The following SCGB1D4 variants were observed in gnomAD, a reference collection of about 807,000 sequenced individuals.
SCGB1D4 encodes the protein secretoglobin family 1D member 4.
Under a neutral mutation model 8.1 loss-of-function variants are expected in SCGB1D4, and 6 were observed. That is an observed-to-expected ratio of 0.74 (90% CI 0.40 to 1.45). The LOEUF is 1.45. Among genes scored for constraint, SCGB1D4 ranks in the 40% most tolerant of loss-of-function variants. The pLI is 0.02. For missense variants in SCGB1D4, 93 were observed against 95.0 expected (o/e 0.98, Z 0.09); for synonymous variants, 34 against 38.1 (o/e 0.89, Z 0.39).
rs1291844733 is a variant in SCGB1D4 at position 62,297,471 on chromosome 11, C to T, written c.242+1G>A. ...CTCTGCATAAAGGAGAAAGAAATTA[C>T]CAGGACTTTTTCAATGAGAGTCGTT... On this transcript the variant is annotated splice_donor_variant, in intron 2 of 2. Transcript: ENST00000358585. LOFTEE classifies it high-confidence loss of function. 5.0e-6 allele frequency: 8 copies of T among 1,608,950 alleles called. No homozygotes were observed. Among genetic ancestry groups the T allele is most frequent in the South Asian group, 1.1e-5 (1 of 90,562 alleles).
At chr11:62,298,002 G>C in intron 1 of SCGB1D4, among the ~76,000 whole-genome samples, 1 of 146,420 alleles carries the variant, frequency 6.8e-6, no homozygotes, top group South Asian at 2.2e-4. Context: ...CTGCCACCAT[G>C]CCCGCTTTTG....
At chr11:62,298,040 GTGTGTGTTT>G (rs1162299544) in intron 1 of SCGB1D4, among the ~76,000 whole-genome samples, 24 of 142,648 alleles carry the variant, frequency 1.7e-4, no homozygotes, top group East Asian at 6.3e-4. Context: ...GTGTGTGTGT[GTGTGTGTTT>G]TGTTTTGTTT....
chr11:62,298,119 C>A (rs1235333217), intron 1 of SCGB1D4, among the ~76,000 whole-genome samples: 2 of 148,702 alleles, frequency 1.3e-5, no homozygotes, highest in East Asian at 4.0e-4. Flanking sequence ...AACTCCTGAG[C>A]TCAAGTGATC....
At chr11:62,298,756 C>CAA (rs5792251) in intron 1 of SCGB1D4, among the ~76,000 whole-genome samples, 200 bp downstream of exon 1, 2 of 102,302 alleles carry the variant, frequency 2.0e-5, no homozygotes, top group African/African-American at 7.1e-5. Context: ...CAAAACTTCT[C>CAA]AAAAAAAAAA....
rs774160393 is a variant in SCGB1D4 at position 62,296,366 on chromosome 11, A to G, written c.*44T>C. 1.3e-6 allele frequency: 2 copies of G among 1,589,710 alleles called. No individual in the cohort carries two copies. The highest frequency in any genetic ancestry group is 1.7e-6 in the Non-Finnish European group (2 of 1,158,138). On this transcript the variant is annotated 3_prime_UTR_variant, in exon 3 of 3. Transcript: ENST00000358585. ...CAGGGTGTCGTTGAAAGACTTTGGA[A>G]ACCAGGTTGAGCATTTTTACATGTC...
At chr11:62,297,684 T>C (rs904677646) in intron 1 of SCGB1D4, 26 bp from the exon 2 acceptor site, 1 of 1,602,794 alleles carries the variant, frequency 6.2e-7, no homozygotes, top group Non-Finnish European at 8.5e-7. Flanking sequence ...AAAAATATTG[T>C]TGATGTTAGG....
In SCGB1D4 at chr11:62,297,683, G is replaced by A. The variant is rs1221374619; in HGVS notation, c.56-25C>T. The A allele has an allele frequency of 1.9e-6, 3 of 1,601,982 alleles. No individual in the cohort carries two copies. In the Admixed American group the frequency reaches 5.1e-5, roughly 27 times the overall value. ...GCTGCAGCACAAAAATAAAAATATT[G>A]TTGATGTTAGGAAAGTCGATTTTTC... is the stretch of plus-strand genomic sequence containing the variant. On this transcript the variant is annotated intron_variant, in intron 1 of 2. Coordinates refer to ENST00000358585, the MANE Select transcript of SCGB1D4 (RefSeq NM_206998.2).
chr11:62,297,579 T>C lies in SCGB1D4; in HGVS notation c.135A>G (p.Gln45=). ...LFLSDAAVNL[Q]VAKLNPPPEA... is the part of the protein sequence containing the mutation. ...CTGGAGGTGGATTAAGTTTGGCAACTTGGAGGTTTACCGCAGCGTCACTTA... is the reference window on the plus strand; with the variant it reads ...CTGGAGGTGGATTAAGTTTGGCAACCTGGAGGTTTACCGCAGCGTCACTTA... Residue 45 remains glutamine (Q), a synonymous_variant, in exon 2 of 3, where the codon CAA becomes CAG. Transcript: ENST00000358585. The C allele has an allele frequency of 6.2e-7, 1 of 1,613,634 alleles. No homozygotes were observed. The highest frequency in any genetic ancestry group is 1.7e-4 in the Middle Eastern group (1 of 6,054).
Position 62,296,434 on chromosome 11 carries a change from A to C in SCGB1D4, c.243-15T>G, listed in dbSNP as rs377103843. The C allele has an allele frequency of 8.0e-5, 128 of 1,596,974 alleles. No homozygotes were observed. In the African/African-American group the frequency reaches 1.6e-3, roughly 20 times the overall value. The stretch of plus-strand genomic sequence containing the variant: ...ACTATTTCCACCTGAAATCAAAAAA[A>C]AGAAAGAAAGAAAGAAAGGTGAGGT... On this transcript the variant is annotated splice_polypyrimidine_tract_variant and intron_variant, in intron 2 of 2. Coordinates refer to ENST00000358585, the MANE Select transcript of SCGB1D4 (RefSeq NM_206998.2).
rs1565139730 is a variant in SCGB1D4 at position 62,298,041 on chromosome 11, TG to T, written c.56-384del. On this transcript the variant is annotated intron_variant, in intron 1 of 2. Transcript: ENST00000358585. The stretch of plus-strand genomic sequence containing the variant: ...GTGTGTGTGTGTGTGTGTGTGTGTG[TG>T]TGTGTTTTGTTTTGTTTTTTTTTTT... Among the ~76,000 whole-genome samples the T allele has an allele frequency of 1.4e-4, 20 of 143,086 alleles. 1 individual carries two copies. The highest frequency in any genetic ancestry group is 4.7e-4 in the African/African-American group (17 of 36,412). The allele number at this position is 143,086 out of a possible 152,430, so 93.9% of individuals were successfully genotyped here.
Position 62,297,609 on chromosome 11 carries a change from TAAG to T in SCGB1D4, c.102_104del (p.Phe34del), listed in dbSNP as rs1159398844. 6.2e-7 allele frequency: 1 copy of T among 1,614,024 alleles called. No homozygotes were observed. Among genetic ancestry groups the T allele is most frequent in the Non-Finnish European group, 8.5e-7 (1 of 1,180,004 alleles). On this transcript the variant is annotated inframe_deletion, in exon 2 of 3. Coordinates refer to ENST00000358585, the MANE Select transcript of SCGB1D4 (RefSeq NM_206998.2). ...GGTTTACCGCAGCGTCACTTAAGAA[TAAG>T]AAGACTGTGATCTCAGAAGCAACAG... is the stretch of plus-strand genomic sequence containing the variant.
chr11:62,298,756 CAA>C (rs5792251), intron 1 of SCGB1D4, among the ~76,000 whole-genome samples, 198 bp downstream of exon 1: 26,682 of 102,200 alleles, frequency 0.26, 2,685 homozygotes, highest in East Asian at 0.42. Context: ...CAAAACTTCT[CAA>C]AAAAAAAAAA....
At chr11:62,297,177 C>G (rs1945447100) in intron 2 of SCGB1D4, among the ~76,000 whole-genome samples, 1 of 152,148 alleles carries the variant, frequency 6.6e-6, no homozygotes, top group Admixed American at 6.5e-5. Flanking sequence ...TGTGGGAGGC[C>G]CAGCTCTAGG....
At chr11:62,296,453 G>A (rs778446804) in intron 2 of SCGB1D4, 34 bp from the exon 3 acceptor site, 1 of 1,601,176 alleles carries the variant, frequency 6.2e-7, no homozygotes, top group Non-Finnish European at 8.5e-7. Context: ...AGAAAGAAAG[G>A]TGAGGTCAGT....
rs201618810 is a variant in SCGB1D4, at chr11:62,298,955, C to G, written c.55+1G>C. 1 of 1,613,890 alleles carries G rather than the reference C, an allele frequency of 6.2e-7. No homozygotes were observed. The highest frequency in any genetic ancestry group is 2.2e-5 in the East Asian group (1 of 44,882). On this transcript the variant is annotated splice_donor_variant, in intron 1 of 2. Transcript: ENST00000358585. LOFTEE classifies it high-confidence loss of function. ...GCTGGACTCATGACTGATGTACTCA[C>G]CCTGGTAGCAGCAAAGGGCCAGCGA...
intron 1 of SCGB1D4, among the ~76,000 whole-genome samples, chr11:62,298,061 T>G (rs913289568): frequency 2.0e-5 from 3 of 149,190 alleles, no homozygotes; most frequent in African/African-American, 2.5e-5. Flanking sequence ...GTTTTGTTTT[T>G]TTTTTTTGTA....
intron 2 of SCGB1D4, among the ~76,000 whole-genome samples, chr11:62,297,039 G>A (rs2134520810): frequency 6.6e-6 from 1 of 152,354 alleles, no homozygotes; most frequent in South Asian, 2.1e-4. Flanking sequence ...CAGCGAAAAA[G>A]TCTTGGCCCA....
Position 62,296,570 on chromosome 11 carries a change from C to T in SCGB1D4, c.243-151G>A, listed in dbSNP as rs150664287. The T allele has an allele frequency of 1.4e-4, 104 of 748,470 alleles. No individual in the cohort carries two copies. The African/African-American group carries it at 1.8e-3, about 13-fold the overall frequency. The allele number at this position is 748,470 out of a possible 1,614,324, so 46.4% of individuals were successfully genotyped here. A position where few individuals can be genotyped will look rare whatever the true frequency, so the allele number is the denominator to read the frequency against. ...AAGAATTCAGTTTGGGAAACTGAGG[C>T]CTAGACCTGGTGGCCTTACAACACC... On this transcript the variant is annotated intron_variant, in intron 2 of 2. Coordinates refer to ENST00000358585, the MANE Select transcript of SCGB1D4 (RefSeq NM_206998.2).
Position 62,297,608 on chromosome 11 carries a change from A to C in SCGB1D4, c.106T>G (p.Phe36Val), listed in dbSNP as rs1483133667. Residue 36 changes from phenylalanine to valine, a missense_variant, in exon 2 of 3, where the codon TTC (phenylalanine) becomes GTC (valine). By Grantham distance (50) the Phe-to-Val change is conservative (BLOSUM62 -1). Transcript: ENST00000358585. ...AVASEITVFL[F>V]LSDAAVNLQV... ...AGGTTTACCGCAGCGTCACTTAAGAATAAGAAGACTGTGATCTCAGAAGCA... is the reference window on the plus strand; with the variant it reads ...AGGTTTACCGCAGCGTCACTTAAGACTAAGAAGACTGTGATCTCAGAAGCA... 2 of 1,614,140 alleles carry C rather than the reference A, an allele frequency of 1.2e-6. No individual in the cohort carries two copies. Among genetic ancestry groups the C allele is most frequent in the Middle Eastern group, 1.7e-4 (1 of 6,018 alleles).
Sources: gnomAD v4.1 joint callset for allele counts (sites outside exome capture counted in the v4.1 genomes callset) on GRCh38, gnomAD v4.1.1 for gene constraint, MANE v1.5 for transcripts, NCBI Gene and HGNC (gene_info 2026-07-23, HGNC 2026-07-21) for gene names.